The following MCF2L2 variants were observed in gnomAD, a reference collection of about 807,000 sequenced individuals.
MCF2L2 encodes the protein probable guanine nucleotide exchange factor MCF2L2.
In MCF2L2, 102 loss-of-function variants were observed where a neutral mutation model predicts 150.2. The ratio of observed to expected loss-of-function variants is 0.68; its 90% CI spans 0.58 to 0.80. The LOEUF (loss-of-function observed/expected upper bound fraction) is 0.80. Among genes scored for constraint, MCF2L2 ranks in the 30% least tolerant of loss-of-function variants. The probability of loss-of-function intolerance (pLI) is 0.00; values close to 1 mark genes in which losing one functional copy is unlikely to be tolerated. For synonymous variants in MCF2L2, 465 were observed against 491.3 expected, an observed-to-expected ratio of 0.95 and a Z score of 0.71; for missense variants, 1,256 against 1,372.8, an observed-to-expected ratio of 0.91 and a Z score of 1.34.
rs1398036708 is a variant in MCF2L2 at position 183,206,040 on chromosome 3, T to C, written c.2805+82A>G. On this transcript the variant is annotated intron_variant, in intron 24 of 29. Coordinates refer to ENST00000328913, the MANE Select transcript of MCF2L2 (RefSeq NM_015078.4). The stretch of plus-strand genomic sequence containing the variant: ...ATTCTCCCAGTGACCGTTAGACTAA[T>C]GAGATAGAAAACACTTGTCAAGTCA... 1.4e-5 allele frequency: 21 copies of C among 1,551,430 alleles called. 1 individual carries two copies. The Admixed American group carries it at 2.5e-4, about 19-fold the overall frequency.
intron 22 of MCF2L2, among the ~76,000 whole-genome samples, chr3:183,209,420 T>C (rs527716757): frequency 1.3e-5 from 2 of 152,208 alleles, no homozygotes; most frequent in Non-Finnish European, 2.9e-5. Context: ...AAAAATTCCA[T>C]ACCTGACCAC....
At chr3:183,304,434 G>A (rs764395095) in intron 10 of MCF2L2, among the ~76,000 whole-genome samples, 4 of 150,150 alleles carry the variant, frequency 2.7e-5, no homozygotes, top group East Asian at 2.0e-4. Flanking sequence ...CCTACAAGAT[G>A]ACTGGAATAC....
At chr3:183,272,892 ATTAT>A (rs1319294265) in intron 15 of MCF2L2, 3 of 1,322,358 alleles carry the variant, frequency 2.3e-6, no homozygotes, top group African/African-American at 3.1e-5. Flanking sequence ...TTGTGAAACA[ATTAT>A]TTATTTGCTG....
At chr3:183,206,334 A>G (rs1252484855) in intron 23 of MCF2L2, 120 bp from the exon 24 acceptor site, 2 of 765,628 alleles carry the variant, frequency 2.6e-6, no homozygotes, top group East Asian at 2.6e-5. Flanking sequence ...CTTCCTTTCA[A>G]GTTTTTGCTT....
intron 12 of MCF2L2, 118 bp from the exon 13 acceptor site, chr3:183,295,595 A>AC (rs148624219): frequency 1.3e-4 from 127 of 964,692 alleles, no homozygotes; most frequent in Admixed American, 2.6e-4. Flanking sequence ...CCCTCAGGTG[A>AC]CCCCCTCTGG....
chr3:183,343,000 G>C (rs1001359183), intron 3 of MCF2L2, among the ~76,000 whole-genome samples: 1 of 152,112 alleles, frequency 6.6e-6, no homozygotes, highest in South Asian at 2.1e-4. Flanking sequence ...ACTGACCCAG[G>C]TTATCTTGCT....
Position 183,230,974 on chromosome 3 carries a change from T to C in MCF2L2, c.1906A>G (p.Lys636Glu). ...DLLETEEIYI[K>E]EIKSIIDGYI... ...ACATCAATTATGCTTTTAATCTCTT[T>C]TATGTAAATCTCTTCAGTCTCAAGC... Residue 636 changes from lysine to glutamate, a missense_variant, in exon 16 of 30, where the codon AAA becomes GAA. By Grantham distance (56) the Lys-to-Glu change is moderately conservative. Transcript: ENST00000328913. The C allele has an allele frequency of 1.2e-6, 2 of 1,613,872 alleles. No homozygotes were observed. Among genetic ancestry groups the C allele is most frequent in the Non-Finnish European group, 1.7e-6 (2 of 1,179,830 alleles).
At chr3:183,412,125 T>G (rs1715344171) in intron 1 of MCF2L2, among the ~76,000 whole-genome samples, 1 of 152,146 alleles carries the variant, frequency 6.6e-6, no homozygotes, top group Admixed American at 6.6e-5. Flanking sequence ...TAAGTTTTCT[T>G]AAATGCATAC....
chr3:183,208,843 C>T (rs1209716348), intron 22 of MCF2L2, among the ~76,000 whole-genome samples: 1 of 152,138 alleles, frequency 6.6e-6, no homozygotes, highest in African/African-American at 2.4e-5. Context: ...GTTGGGCAAA[C>T]TCTAGGTATC....
At chr3:183,327,763 T>C (rs930376783) in intron 5 of MCF2L2, among the ~76,000 whole-genome samples, 2 of 152,206 alleles carry the variant, frequency 1.3e-5, no homozygotes, top group African/African-American at 4.8e-5. Flanking sequence ...AAATGGATCA[T>C]AGATCTAAAC....
chr3:183,320,604 T>C (rs1401507578), intron 6 of MCF2L2, among the ~76,000 whole-genome samples: 1 of 152,220 alleles, frequency 6.6e-6, no homozygotes, highest in African/African-American at 2.4e-5. Context: ...TGCTCTGGAT[T>C]AGGCTTTGGC....
intron 6 of MCF2L2, among the ~76,000 whole-genome samples, chr3:183,322,064 A>G (rs1372914923): frequency 1.3e-5 from 2 of 152,238 alleles, no homozygotes; most frequent in Non-Finnish European, 2.9e-5. Flanking sequence ...CAGAGCCTTC[A>G]TGACTTAATA....
intron 2 of MCF2L2, among the ~76,000 whole-genome samples, chr3:183,380,647 C>G (rs1577108066): frequency 6.6e-6 from 1 of 152,308 alleles, no homozygotes; most frequent in African/African-American, 2.4e-5. Context: ...GGTGATCCAC[C>G]CGCCTCGGCC....
At position 183,221,854 on chromosome 3, in the gene MCF2L2, G is replaced by A. The variant is rs139377316; in HGVS notation, c.2301+1492C>T. 1.1e-4 allele frequency among the ~76,000 whole-genome samples: 17 copies of A among 152,204 alleles called. No individual in the cohort carries two copies. The East Asian group carries it at 1.7e-3, about 16-fold the overall frequency. Reference sequence around the variant, plus strand: ...CTTCCTGGGCTGTGCCAAGCCCTCCGCATGTGCTAATCATCTGCTTCATAA... The same window carrying A: ...CTTCCTGGGCTGTGCCAAGCCCTCCACATGTGCTAATCATCTGCTTCATAA... On this transcript the variant is annotated intron_variant, in intron 20 of 29. Transcript: ENST00000328913.
intron 5 of MCF2L2, among the ~76,000 whole-genome samples, chr3:183,327,407 C>T (rs1298101396): frequency 6.6e-6 from 1 of 152,202 alleles, no homozygotes; most frequent in Non-Finnish European, 1.5e-5. Context: ...GGTTCTCACA[C>T]TTGTATGCCT....
chr3:183,220,496 T>C (rs1359364878), intron 20 of MCF2L2, among the ~76,000 whole-genome samples: 3 of 152,184 alleles, frequency 2.0e-5, no homozygotes, highest in Non-Finnish European at 4.4e-5. Flanking sequence ...AACATTTAGG[T>C]TCAACAATAT....
Position 183,400,359 on chromosome 3 carries a change from G to T in MCF2L2, c.77-10580C>A, listed in dbSNP as rs569575847. On this transcript the variant is annotated intron_variant, in intron 1 of 29. Transcript: ENST00000328913. The stretch of plus-strand genomic sequence containing the variant: ...CCTTGCTTCCACACTACCTTTTTTT[G>T]CCATATATTCCAGCCTGATGCAACT... 6.4e-5 allele frequency: 28 copies of T among 440,594 alleles called. No homozygotes were observed. In the East Asian group the frequency reaches 1.8e-3, roughly 28 times the overall value. 27.3% of individuals were successfully genotyped at this position (440,594 alleles called of 1,614,324 possible).
At chr3:183,366,254 G>GT (rs1712514661) in intron 3 of MCF2L2, among the ~76,000 whole-genome samples, 1 of 152,174 alleles carries the variant, frequency 6.6e-6, no homozygotes, top group Non-Finnish European at 1.5e-5. Flanking sequence ...ATGGATCAAT[G>GT]TTTTTTACAT....
At chr3:183,297,292 G>T in intron 11 of MCF2L2, 125 bp from the exon 12 acceptor site, 2 of 850,348 alleles carry the variant, frequency 2.4e-6, no homozygotes, top group Non-Finnish European at 3.7e-6. Flanking sequence ...AATTGTCATG[G>T]GACGGCATCG....
Sources: gnomAD v4.1 joint callset for allele counts (sites outside exome capture counted in the v4.1 genomes callset) on GRCh38, gnomAD v4.1.1 for gene constraint, MANE v1.5 for transcripts, NCBI Gene and HGNC (gene_info 2026-07-23, HGNC 2026-07-21) for gene names.